The following VAT1L variants were observed in gnomAD, a reference collection of about 807,000 sequenced individuals.
VAT1L encodes the protein vesicle amine transport 1 like.
Under a neutral mutation model 44.1 loss-of-function variants are expected in VAT1L, and 34 were observed. The ratio of observed to expected loss-of-function variants is 0.77; its 90% CI spans 0.59 to 1.03. VAT1L has a LOEUF of 1.03. Among genes scored for constraint, VAT1L ranks in the 50% least tolerant of loss-of-function variants. The probability of loss-of-function intolerance (pLI) is 0.00; values close to 1 mark genes in which losing one functional copy is unlikely to be tolerated. For missense variants in VAT1L, 615 were observed against 538.8 expected, an observed-to-expected ratio of 1.14 and a Z score of -1.40; for synonymous variants, 253 against 202.2, an observed-to-expected ratio of 1.25 and a Z score of -2.13.
rs924002894 is a variant in VAT1L at position 77,788,574 on chromosome 16, C to G, written c.-109C>G. On this transcript the variant is annotated 5_prime_UTR_variant, in exon 1 of 9. Coordinates refer to ENST00000302536, the MANE Select transcript of VAT1L (RefSeq NM_020927.3). ...GCAGAGGCTGCAGCCATTGCACAGC[C>G]GAGCATCCCACATTCAACAGGAGGA... is the stretch of plus-strand genomic sequence containing the variant. 10 of 1,284,562 alleles carry G rather than the reference C, an allele frequency of 7.8e-6. No homozygotes were observed. In the South Asian group the frequency reaches 8.3e-5, roughly 11 times the overall value. 79.6% of individuals were successfully genotyped at this position (1,284,562 alleles called of 1,614,324 possible).
chr16:77,913,462 A>C (rs2017519676), intron 7 of VAT1L, among the ~76,000 whole-genome samples: 2 of 145,854 alleles, frequency 1.4e-5, no homozygotes, highest in African/African-American at 5.1e-5. Flanking sequence ...CCCCTCCCCC[A>C]ACAAAGTTAA....
intron 4 of VAT1L, among the ~76,000 whole-genome samples, chr16:77,870,485 C>A (rs528078383): frequency 6.6e-6 from 1 of 152,258 alleles, no homozygotes; most frequent in South Asian, 2.1e-4. Context: ...GAACCTACTG[C>A]CACTCAAGAG....
At chr16:77,868,796 G>C (rs2017001575) in intron 4 of VAT1L, among the ~76,000 whole-genome samples, 1 of 152,100 alleles carries the variant, frequency 6.6e-6, no homozygotes, top group Non-Finnish European at 1.5e-5. Context: ...ATTTGGGCTG[G>C]GATCATTCTG....
At chr16:77,894,072 G>C (rs2017296102) in intron 7 of VAT1L, among the ~76,000 whole-genome samples, 1 of 152,174 alleles carries the variant, frequency 6.6e-6, no homozygotes, top group African/African-American at 2.4e-5. Context: ...GGCAAAACCA[G>C]CTTTCAGACC....
intron 4 of VAT1L, among the ~76,000 whole-genome samples, chr16:77,872,582 G>A (rs918727839): frequency 2.6e-5 from 4 of 152,224 alleles, no homozygotes; most frequent in Non-Finnish European, 4.4e-5. Context: ...CTCAAAGCAA[G>A]CGGCCCTTTG....
chr16:77,846,300 C>T (rs955809548), intron 3 of VAT1L, among the ~76,000 whole-genome samples: 1 of 152,136 alleles, frequency 6.6e-6, no homozygotes, highest in Non-Finnish European at 1.5e-5. Flanking sequence ...AAAGCAGAAA[C>T]AGCCCCCAGC....
chr16:77,848,777 C>G (rs1311623499), intron 3 of VAT1L, among the ~76,000 whole-genome samples: 1 of 152,176 alleles, frequency 6.6e-6, no homozygotes. Context: ...GTAGCAAAAA[C>G]TTGGAACCCA....
intron 3 of VAT1L, among the ~76,000 whole-genome samples, chr16:77,856,117 C>T (rs908378031): frequency 4.6e-5 from 7 of 151,946 alleles, no homozygotes; most frequent in Non-Finnish European, 7.4e-5. Flanking sequence ...AGGAATAAAC[C>T]GGGAGAAAAG....
chr16:77,953,551 G>A (rs1472838715), intron 7 of VAT1L, among the ~76,000 whole-genome samples: 6 of 151,876 alleles, frequency 4.0e-5, no homozygotes, highest in Admixed American at 6.6e-5. Flanking sequence ...GTTTTATTTT[G>A]TTTTTTTGAT....
chr16:77,954,855 C>T (rs1399986122), intron 7 of VAT1L, among the ~76,000 whole-genome samples: 1 of 152,120 alleles, frequency 6.6e-6, no homozygotes, highest in Non-Finnish European at 1.5e-5. Context: ...ATAAAAGAGG[C>T]CTAGGGTGAG....
intron 7 of VAT1L, among the ~76,000 whole-genome samples, chr16:77,925,605 C>T (rs1356786626): frequency 6.6e-6 from 1 of 152,172 alleles, no homozygotes; most frequent in African/African-American, 2.4e-5. Context: ...AAAATGAACT[C>T]AGCAGGAGAT....
At chr16:77,789,450 A>T (rs2015792534) in intron 1 of VAT1L, among the ~76,000 whole-genome samples, 1 of 152,128 alleles carries the variant, frequency 6.6e-6, no homozygotes, top group Non-Finnish European at 1.5e-5. Context: ...GCTGCCACTA[A>T]GTGGCTTGGC....
At chr16:77,936,775 A>C (rs942814069) in intron 7 of VAT1L, among the ~76,000 whole-genome samples, 1 of 152,180 alleles carries the variant, frequency 6.6e-6, no homozygotes, top group Non-Finnish European at 1.5e-5. Context: ...GAGGAGAGGA[A>C]GGAGAGGGAG....
At chr16:77,925,117 C>T (rs542717945) in intron 7 of VAT1L, among the ~76,000 whole-genome samples, 20 of 152,238 alleles carry the variant, frequency 1.3e-4, no homozygotes, top group Non-Finnish European at 2.6e-4. Flanking sequence ...CTTTTGCCTT[C>T]CCTACCACCA....
chr16:77,851,119 A>G (rs182985042), intron 3 of VAT1L, among the ~76,000 whole-genome samples: 1 of 152,340 alleles, frequency 6.6e-6, no homozygotes, highest in East Asian at 1.9e-4. Flanking sequence ...AGAGATGGCC[A>G]CACTCTAGTT....
At chr16:77,891,787 A>T (rs540105341) in intron 7 of VAT1L, among the ~76,000 whole-genome samples, 4 of 152,114 alleles carry the variant, frequency 2.6e-5, no homozygotes, top group South Asian at 4.2e-4. Context: ...TGATAAAAAG[A>T]TTAGGCCGGG....
chr16:77,837,522 C>G (rs190062176), intron 3 of VAT1L, among the ~76,000 whole-genome samples: 205 of 152,296 alleles, frequency 1.3e-3, no homozygotes, highest in Non-Finnish European at 2.5e-3. Context: ...AACCACTGAT[C>G]TCAGTACCCA....
Position 77,825,465 on chromosome 16 carries a change from A to C in VAT1L, c.579+4A>C, listed in dbSNP as rs1490497855. 2 of 1,572,112 alleles carry C rather than the reference A, an allele frequency of 1.3e-6. No individual in the cohort carries two copies. Among genetic ancestry groups the C allele is most frequent in the African/African-American group, 2.7e-5 (2 of 74,164 alleles). ...GCACTCAGCTGGTGGGGGCGTGGTA[A>C]GTCAGCTGTTTGTAACTTCTCTTCT... On this transcript the variant is annotated splice_donor_region_variant and intron_variant, in intron 3 of 8. Coordinates refer to ENST00000302536, the MANE Select transcript of VAT1L (RefSeq NM_020927.3).
At chr16:77,796,736 T>C (rs1410413092) in intron 1 of VAT1L, among the ~76,000 whole-genome samples, 1 of 152,232 alleles carries the variant, frequency 6.6e-6, no homozygotes, top group African/African-American at 2.4e-5. Flanking sequence ...TCTCTTGTTT[T>C]CTTGCCTAGC....
Sources: allele counts gnomAD v4.1 joint callset (sites outside exome capture counted in the v4.1 genomes callset), GRCh38; gene constraint gnomAD v4.1.1; transcripts MANE v1.5; gene names NCBI Gene and HGNC (gene_info 2026-07-23, HGNC 2026-07-21).